The following PDZRN3 variants were observed in gnomAD, a reference collection of about 807,000 sequenced individuals.
PDZRN3 encodes the protein E3 ubiquitin-protein ligase PDZRN3.
In PDZRN3, 38 loss-of-function variants were observed where a neutral mutation model predicts 85.7. The observed-to-expected ratio is 0.44, with a 90% CI of 0.34 to 0.58. The LOEUF is 0.58. Ranked by LOEUF, PDZRN3 falls within the 20% of genes least tolerant of loss-of-function variation. The pLI is 0.01. For missense variants in PDZRN3, 1,629 were observed against 1,506.4 expected, an observed-to-expected ratio of 1.08 and a Z score of -1.35; for synonymous variants, 759 against 638.0, an observed-to-expected ratio of 1.19 and a Z score of -2.86.
At chr3:73,552,139 G>T (rs868241912) in intron 3 of PDZRN3, among the ~76,000 whole-genome samples, 1 of 151,990 alleles carries the variant, frequency 6.6e-6, no homozygotes. Context: ...CCACGTCCTC[G>T]TCTTCTATCC....
chr3:73,444,377 T>A (rs1274372169), intron 3 of PDZRN3, among the ~76,000 whole-genome samples: 2 of 152,180 alleles, frequency 1.3e-5, no homozygotes, highest in African/African-American at 4.8e-5. Context: ...CTCCTTTCAT[T>A]TAAGCAGGTG....
At chr3:73,521,787 C>A (rs1287284911) in intron 3 of PDZRN3, among the ~76,000 whole-genome samples, 1 of 152,122 alleles carries the variant, frequency 6.6e-6, no homozygotes, top group African/African-American at 2.4e-5. Flanking sequence ...CTTTCCTGCC[C>A]AAATTGGGGC....
At chr3:73,553,591 AG>A (rs1318769405) in intron 3 of PDZRN3, among the ~76,000 whole-genome samples, 9 of 151,508 alleles carry the variant, frequency 5.9e-5, no homozygotes, top group African/African-American at 2.2e-4. Flanking sequence ...AAAAAAAAAA[AG>A]AACTATTATC....
intron 4 of PDZRN3, 52 bp from the exon 5 acceptor site, chr3:73,401,061 T>C: frequency 7.4e-7 from 1 of 1,344,434 alleles, no homozygotes; most frequent in Non-Finnish European, 1.1e-6. Context: ...TCAGTATCTG[T>C]TTTTCTTACA....
intron 5 of PDZRN3, among the ~76,000 whole-genome samples, chr3:73,393,828 C>G (rs561457712): frequency 6.6e-6 from 1 of 152,298 alleles, no homozygotes; most frequent in East Asian, 1.9e-4. Context: ...GGCCTACTAC[C>G]AAACATGTAG....
chr3:73,587,438 A>G (rs932565069), intron 3 of PDZRN3, among the ~76,000 whole-genome samples: 2 of 152,232 alleles, frequency 1.3e-5, no homozygotes, highest in Non-Finnish European at 2.9e-5. Context: ...TCATACTTAC[A>G]TCTATGCTTA....
chr3:73,496,422 A>C (rs548001954), intron 3 of PDZRN3, among the ~76,000 whole-genome samples: 16 of 152,290 alleles, frequency 1.1e-4, no homozygotes, highest in African/African-American at 3.8e-4. Context: ...ACACAATTTG[A>C]ATGATTAATC....
At chr3:73,532,058 G>C (rs1704669966) in intron 3 of PDZRN3, among the ~76,000 whole-genome samples, 1 of 152,172 alleles carries the variant, frequency 6.6e-6, no homozygotes, top group Non-Finnish European at 1.5e-5. Context: ...CTGGAGTGCA[G>C]TGGCGCGATC....
Position 73,454,472 on chromosome 3 carries a change from T to A in PDZRN3, c.919-50077A>T, listed in dbSNP as rs369889906. On this transcript the variant is annotated intron_variant, in intron 3 of 9. Coordinates refer to ENST00000263666, the MANE Select transcript of PDZRN3 (RefSeq NM_015009.3). ...AAGAGGTAATGAAAAAGGGGCTGAT[T>A]TGAGTCGTCCAAGAGTTCCTGATAC... 2.0e-5 allele frequency among the ~76,000 whole-genome samples: 3 copies of A among 152,176 alleles called. No individual in the cohort carries two copies. In the East Asian group the frequency reaches 5.8e-4, roughly 29 times the overall value.
intron 5 of PDZRN3, among the ~76,000 whole-genome samples, chr3:73,399,788 T>A (rs1701713268): frequency 6.6e-6 from 1 of 152,152 alleles, no homozygotes; most frequent in Admixed American, 6.5e-5. Context: ...TTAGGGAAAA[T>A]TTTAAATTTC....
chr3:73,392,183 G>A (rs1437931580), intron 5 of PDZRN3, among the ~76,000 whole-genome samples: 1 of 152,248 alleles, frequency 6.6e-6, no homozygotes, highest in East Asian at 1.9e-4. Context: ...AGCAACAGCA[G>A]GTGCAAAAGC....
intron 3 of PDZRN3, among the ~76,000 whole-genome samples, chr3:73,425,691 C>G (rs187031956): frequency 2.0e-5 from 3 of 151,784 alleles, no homozygotes; most frequent in Non-Finnish European, 4.4e-5. Context: ...GTGGGTATTA[C>G]GCAGACAGAC....
chr3:73,385,313 G>T lies in PDZRN3; in HGVS notation c.1635+356C>A, dbSNP rs1158609509. On this transcript the variant is annotated intron_variant, in intron 9 of 9. Coordinates refer to ENST00000263666, the MANE Select transcript of PDZRN3 (RefSeq NM_015009.3). ...CTCTGACAATGGTAGTAGCATAGCA[G>T]GGAGCTAGAGAGCTCCAAGCAGCTC... Among the ~76,000 whole-genome samples the T allele has an allele frequency of 2.0e-5, 3 of 152,190 alleles. No homozygotes were observed. In the East Asian group the frequency reaches 5.8e-4, roughly 29 times the overall value.
At chr3:73,481,767 T>G (rs1703565923) in intron 3 of PDZRN3, among the ~76,000 whole-genome samples, 1 of 152,114 alleles carries the variant, frequency 6.6e-6, no homozygotes, top group African/African-American at 2.4e-5. Flanking sequence ...AGGTTGTTCA[T>G]AAAACTTAAA....
chr3:73,480,938 G>C (rs1466820633), intron 3 of PDZRN3, among the ~76,000 whole-genome samples: 1 of 152,142 alleles, frequency 6.6e-6, no homozygotes, highest in Non-Finnish European at 1.5e-5. Context: ...GTCACTGATG[G>C]CTTGTTTATA....
intron 3 of PDZRN3, among the ~76,000 whole-genome samples, chr3:73,424,330 G>A (rs997868897): frequency 7.9e-6 from 1 of 126,618 alleles, no homozygotes; most frequent in African/African-American, 3.0e-5. Context: ...AGGAGATTGA[G>A]ACCATCCTGG....
chr3:73,519,219 A>G (rs1347039231), intron 3 of PDZRN3, among the ~76,000 whole-genome samples: 1 of 151,282 alleles, frequency 6.6e-6, no homozygotes, highest in Non-Finnish European at 1.5e-5. Context: ...GGCTGTGAAG[A>G]GCAAGGAGAC....
intron 3 of PDZRN3, among the ~76,000 whole-genome samples, chr3:73,594,770 G>A (rs564435317): frequency 9.2e-5 from 14 of 152,250 alleles, no homozygotes; most frequent in Non-Finnish European, 1.6e-4. Context: ...AGTGATAAAA[G>A]TGGCTAAATC....
At chr3:73,622,388 C>T (rs908649927) in intron 1 of PDZRN3, among the ~76,000 whole-genome samples, 1 of 152,166 alleles carries the variant, frequency 6.6e-6, no homozygotes. Context: ...GGGGGAGCCT[C>T]GGGCAAATAT....
Sources: allele counts gnomAD v4.1 joint callset (sites outside exome capture counted in the v4.1 genomes callset), GRCh38; gene constraint gnomAD v4.1.1; transcripts MANE v1.5; gene names NCBI Gene and HGNC (gene_info 2026-07-23, HGNC 2026-07-21).